Variants in CRY1 observed in about 807,000 individuals in gnomAD.
The protein encoded by CRY1 is cryptochrome-1.
Under a neutral mutation model 76.0 loss-of-function variants are expected in CRY1, and 45 were observed. The ratio of observed to expected loss-of-function variants is 0.59; its 90% CI spans 0.47 to 0.76. The LOEUF is 0.76. CRY1 is among the 30% of genes least tolerant of loss of function. The probability of loss-of-function intolerance (pLI) is 0.00; values close to 1 mark genes in which losing one functional copy is unlikely to be tolerated. For synonymous variants in CRY1, 248 were observed against 244.0 expected (o/e 1.02, Z -0.15); for missense variants, 587 against 716.4 (o/e 0.82, Z 2.06).
chr12:106,997,527 T>A lies in CRY1; in HGVS notation c.1453A>T (p.Lys485Ter). The stretch of plus-strand genomic sequence containing the variant: ...CGTGAAAGCTGCTGATAGATCTGTT[T>A]CATCCTTTCGATATTCAAACGGCTT... ...EASRLNIERM[K>*]QIYQQLSRYR... The change falls in exon 9 of 13, where the codon AAA becomes TAA. Residue 485 changes from lysine to a stop codon, truncating the protein, a stop_gained. Coordinates refer to ENST00000008527, the MANE Select transcript of CRY1 (RefSeq NM_004075.5). LOFTEE classifies it high-confidence loss of function. The A allele has an allele frequency of 6.2e-7, 1 of 1,614,144 alleles. No individual in the cohort carries two copies. The highest frequency in any genetic ancestry group is 8.5e-7 in the Non-Finnish European group (1 of 1,180,002).
At chr12:107,039,426 C>T (rs1483884763) in intron 1 of CRY1, among the ~76,000 whole-genome samples, 1 of 152,178 alleles carries the variant, frequency 6.6e-6, no homozygotes, top group African/African-American at 2.4e-5. Flanking sequence ...AACCATTTAT[C>T]TGATAAGGAG....
At chr12:107,091,020 T>C (rs1373545279) in intron 1 of CRY1, among the ~76,000 whole-genome samples, 3 of 152,090 alleles carry the variant, frequency 2.0e-5, no homozygotes, top group African/African-American at 4.8e-5. Context: ...TTTGGTGCTT[T>C]TTATATAGCA....
intron 1 of CRY1, among the ~76,000 whole-genome samples, chr12:107,065,872 C>G (rs1312396782): frequency 6.6e-6 from 1 of 152,128 alleles, no homozygotes; most frequent in Non-Finnish European, 1.5e-5. Flanking sequence ...ATCTCTGCCT[C>G]TGCATTAAAA....
chr12:107,086,261 A>G (rs888836185), intron 1 of CRY1, among the ~76,000 whole-genome samples: 2 of 152,236 alleles, frequency 1.3e-5, no homozygotes, highest in Non-Finnish European at 2.9e-5. Context: ...AATAATTAAG[A>G]GAAAAACAGA....
intron 2 of CRY1, among the ~76,000 whole-genome samples, chr12:107,009,582 A>ATATATATATATGTTT (rs1952419443): frequency 2.0e-5 from 2 of 98,604 alleles, no homozygotes; most frequent in African/African-American, 1.0e-4. Flanking sequence ...ATATATATAT[A>ATATATATATATGTTT]TATATATATA....
intron 1 of CRY1, among the ~76,000 whole-genome samples, chr12:107,041,588 T>G: frequency 6.6e-6 from 1 of 152,214 alleles, no homozygotes; most frequent in Non-Finnish European, 1.5e-5. Context: ...TAGAAGCTGC[T>G]GCAACATAAC....
At chr12:106,993,107 A>G in intron 10 of CRY1, 71 bp from the exon 11 acceptor site, 1 of 1,476,856 alleles carries the variant, frequency 6.8e-7, no homozygotes, top group Non-Finnish European at 9.4e-7. Context: ...TAAGTCTACA[A>G]ATCCAACTTT....
At chr12:107,025,527 C>G (rs551794605) in intron 1 of CRY1, among the ~76,000 whole-genome samples, 78 of 152,192 alleles carry the variant, frequency 5.1e-4, no homozygotes, top group African/African-American at 1.9e-3. Context: ...TTAACATATG[C>G]GAAGCTCTTA....
intron 1 of CRY1, among the ~76,000 whole-genome samples, chr12:107,092,521 C>CA (rs1565850401): frequency 6.6e-6 from 1 of 152,184 alleles, no homozygotes; most frequent in Non-Finnish European, 1.5e-5. Flanking sequence ...GTTTCTTTAA[C>CA]TCCAGCACTA....
intron 1 of CRY1, among the ~76,000 whole-genome samples, chr12:107,061,434 C>T (rs1325526119): frequency 6.6e-6 from 1 of 150,984 alleles, no homozygotes; most frequent in Non-Finnish European, 1.5e-5. Flanking sequence ...GTACAGAGTT[C>T]AGTGGCGTGA....
rs532446706 is a variant in CRY1 at position 106,998,064 on chromosome 12, T to A, written c.1140A>T (p.Val380=). Residue 380 remains valine (V), a splice_region_variant and synonymous_variant, in exon 8 of 13, where the codon GTA becomes GTT. Coordinates refer to ENST00000008527, the MANE Select transcript of CRY1 (RefSeq NM_004075.5). The stretch of plus-strand genomic sequence containing the variant: ...CTGCATCAAGCAATAATTCTTCAAA[T>A]ACCTTCAGAAGTAACAGTAACCAAT... ...LWISWEEGMK[V]FEELLLDADW... is the part of the protein sequence containing the mutation. 6.2e-7 allele frequency: 1 copy of A among 1,613,982 alleles called. No individual in the cohort carries two copies. Among genetic ancestry groups the A allele is most frequent in the African/African-American group, 1.3e-5 (1 of 75,052 alleles).
Position 107,022,096 on chromosome 12 carries a change from G to A in CRY1, c.255C>T (p.Pro85=). ...VIRGQPADVF[P]RLFKEWNITK... is the part of the protein sequence containing the mutation. ...TTTTTCAAATTACCTTGAAAAGCCT[G>A]GGAAACACATCTGCTGGTTGTCCAC... is the stretch of plus-strand genomic sequence containing the variant. The change falls in exon 2 of 13, where the codon CCC becomes CCT. Residue 85 remains proline (P), a synonymous_variant. Transcript: ENST00000008527. The A allele has an allele frequency of 1.2e-6, 2 of 1,600,536 alleles. No individual in the cohort carries two copies. Among genetic ancestry groups the A allele is most frequent in the Non-Finnish European group, 8.5e-7 (1 of 1,172,982 alleles).
chr12:107,010,572 CTTT>C lies in CRY1; in HGVS notation c.268-5327_268-5325del, dbSNP rs1952433265. 3.9e-5 allele frequency among the ~76,000 whole-genome samples: 6 copies of C among 152,210 alleles called. No individual in the cohort carries two copies. In the South Asian group the frequency reaches 1.0e-3, roughly 26 times the overall value. ...TTATCAATTCTCACAGTATTTCAAA[CTTT>C]TTCATTATTATATCTGTTATGATGA... On this transcript the variant is annotated intron_variant, in intron 2 of 12. Coordinates refer to ENST00000008527, the MANE Select transcript of CRY1 (RefSeq NM_004075.5).
At chr12:106,999,456 T>C in intron 7 of CRY1, 95 bp downstream of exon 7, 2 of 1,189,326 alleles carry the variant, frequency 1.7e-6, no homozygotes, top group South Asian at 1.6e-5. Flanking sequence ...AACTACACCA[T>C]AAATGAATCT....
At chr12:107,074,394 C>T (rs1023839980) in intron 1 of CRY1, among the ~76,000 whole-genome samples, 2 of 152,050 alleles carry the variant, frequency 1.3e-5, no homozygotes, top group African/African-American at 2.4e-5. Flanking sequence ...AATAAAAATA[C>T]GTGTCATTAA....
chr12:107,074,254 A>G (rs1953223785), intron 1 of CRY1, among the ~76,000 whole-genome samples: 1 of 152,230 alleles, frequency 6.6e-6, no homozygotes, highest in South Asian at 2.1e-4. Context: ...TACCATACAT[A>G]ATACCAATAA....
At chr12:107,036,942 T>C (rs367845664) in intron 1 of CRY1, among the ~76,000 whole-genome samples, 1 of 152,132 alleles carries the variant, frequency 6.6e-6, no homozygotes, top group East Asian at 1.9e-4. Context: ...TGAGCCCCCT[T>C]CCTTGCTATC....
intron 1 of CRY1, among the ~76,000 whole-genome samples, chr12:107,056,890 C>G (rs1341129846): frequency 6.6e-6 from 1 of 151,986 alleles, no homozygotes; most frequent in African/African-American, 2.4e-5. Context: ...ACCTAAAATT[C>G]TATATTCATG....
intron 1 of CRY1, among the ~76,000 whole-genome samples, chr12:107,030,668 A>G (rs1156389762): frequency 6.6e-6 from 1 of 151,762 alleles, no homozygotes; most frequent in Non-Finnish European, 1.5e-5. Flanking sequence ...AACAGTGTAC[A>G]GTAATGATAT....
Sources: gnomAD v4.1 joint callset for allele counts (sites outside exome capture counted in the v4.1 genomes callset) on GRCh38, gnomAD v4.1.1 for gene constraint, MANE v1.5 for transcripts, NCBI Gene and HGNC (gene_info 2026-07-23, HGNC 2026-07-21) for gene names.